TBCD: variants seen among roughly 807,000 people sequenced by gnomAD.
TBCD encodes the protein tubulin folding cofactor D.
A neutral mutation model predicts 169.3 loss-of-function variants in TBCD; 105 were observed. That is an observed-to-expected ratio of 0.62 (90% CI 0.53 to 0.73). The LOEUF is 0.73. Among genes scored for constraint, TBCD ranks in the 30% least tolerant of loss-of-function variants. The pLI is 0.00. For missense variants in TBCD, 1,444 were observed against 1,600.1 expected (o/e 0.90, Z 1.66); for synonymous variants, 700 against 643.9 (o/e 1.09, Z -1.32).
chr17:82,863,045 T>C (rs2056897455), intron 13 of TBCD, among the ~76,000 whole-genome samples: 2 of 152,194 alleles, frequency 1.3e-5, no homozygotes, highest in African/African-American at 2.4e-5. Context: ...TTGACCTCCC[T>C]TTTGGGAGGC....
At chr17:82,894,521 G>A (rs1215268109) in intron 17 of TBCD, among the ~76,000 whole-genome samples, 1 of 152,092 alleles carries the variant, frequency 6.6e-6, no homozygotes, top group Non-Finnish European at 1.5e-5. Context: ...ACGTTTCTCC[G>A]TCACCAGCCT....
At chr17:82,762,477 G>A (rs929939670) in intron 2 of TBCD, among the ~76,000 whole-genome samples, 2 of 152,000 alleles carry the variant, frequency 1.3e-5, no homozygotes, top group Non-Finnish European at 2.9e-5. Flanking sequence ...GGCCAGGCGC[G>A]GTGGCTCCTA....
chr17:82,769,356 G>A (rs914737391), intron 5 of TBCD, among the ~76,000 whole-genome samples: 2 of 152,196 alleles, frequency 1.3e-5, no homozygotes. Context: ...TGGAAGTGAC[G>A]TCCCATTCCT....
chr17:82,887,168 T>TCAC (rs2058790250), intron 15 of TBCD, among the ~76,000 whole-genome samples: 4 of 126,102 alleles, frequency 3.2e-5, no homozygotes, highest in Non-Finnish European at 5.0e-5. Context: ...TGTGTGTGTG[T>TCAC]GCGCGCGCGC....
intron 13 of TBCD, 116 bp downstream of exon 13, chr17:82,815,050 G>A (rs2051758308): frequency 1.4e-6 from 2 of 1,479,440 alleles, no homozygotes; most frequent in Admixed American, 2.1e-5. Flanking sequence ...ACGGTCAGCT[G>A]CGTCACCAGG....
chr17:82,770,327 C>T (rs983181959), intron 5 of TBCD, among the ~76,000 whole-genome samples: 3 of 152,014 alleles, frequency 2.0e-5, no homozygotes, highest in Admixed American at 1.3e-4. Flanking sequence ...GGGCTGGGTG[C>T]GGTGGCTCAC....
chr17:82,910,815 C>T (rs1760367130), intron 22 of TBCD, among the ~76,000 whole-genome samples: 2 of 152,218 alleles, frequency 1.3e-5, no homozygotes, highest in Non-Finnish European at 2.9e-5. Context: ...ATCCGCCCGC[C>T]TCGGCCTTCC....
intron 25 of TBCD, among the ~76,000 whole-genome samples, chr17:82,921,884 T>C (rs536500543): frequency 2.6e-5 from 4 of 152,352 alleles, no homozygotes; most frequent in African/African-American, 9.6e-5. Flanking sequence ...TTGAGTTCCG[T>C]GTCCTGTAGG....
intron 20 of TBCD, 124 bp from the exon 21 acceptor site, chr17:82,907,637 C>A: frequency 9.7e-7 from 1 of 1,026,182 alleles, no homozygotes; most frequent in Non-Finnish European, 1.5e-6. Flanking sequence ...CCTTGCTGAG[C>A]CTATGCTCCT....
intron 7 of TBCD, among the ~76,000 whole-genome samples, chr17:82,796,460 C>T (rs984171973): frequency 6.6e-6 from 1 of 152,226 alleles, no homozygotes; most frequent in Non-Finnish European, 1.5e-5. Context: ...TGTTACTATC[C>T]ATTTCGCTAA....
intron 13 of TBCD, among the ~76,000 whole-genome samples, chr17:82,847,309 T>C (rs1040196929): frequency 8.0e-5 from 11 of 137,466 alleles, no homozygotes; most frequent in African/African-American, 2.0e-4. Context: ...GCCGAGATCA[T>C]GCCACTGTAT....
At chr17:82,840,757 C>T (rs573747128) in intron 13 of TBCD, among the ~76,000 whole-genome samples, 2 of 152,058 alleles carry the variant, frequency 1.3e-5, no homozygotes, top group South Asian at 2.1e-4. Context: ...ACCTCCACAC[C>T]CCCCCACCAA....
At chr17:82,776,439 A>G (rs975030628) in intron 6 of TBCD, among the ~76,000 whole-genome samples, 3 of 152,308 alleles carry the variant, frequency 2.0e-5, no homozygotes, top group African/African-American at 7.2e-5. Context: ...GAAACATAGA[A>G]GTTGGAAAAA....
At chr17:82,795,775 C>G (rs555593932) in intron 7 of TBCD, 4 of 215,128 alleles carry the variant, frequency 1.9e-5, no homozygotes, top group Admixed American at 1.3e-4. Context: ...CCGAGAAGAC[C>G]ACGTGGCAGG....
At chr17:82,869,389 G>T (rs1467261770) in intron 13 of TBCD, among the ~76,000 whole-genome samples, 1 of 152,142 alleles carries the variant, frequency 6.6e-6, no homozygotes, top group Non-Finnish European at 1.5e-5. Flanking sequence ...TGTGATGGTG[G>T]CATGCTTGTA....
chr17:82,804,694 G>A (rs896012873), intron 9 of TBCD, among the ~76,000 whole-genome samples: 1 of 152,202 alleles, frequency 6.6e-6, no homozygotes, highest in Non-Finnish European at 1.5e-5. Flanking sequence ...GCTGAGAGGC[G>A]GGTGGAAACC....
chr17:82,889,668 G>C lies in TBCD; in HGVS notation c.1534G>C (p.Ala512Pro), dbSNP rs1483806231. 2 of 1,613,710 alleles carry C rather than the reference G, an allele frequency of 1.2e-6. No individual in the cohort carries two copies. Among genetic ancestry groups the C allele is most frequent in the East Asian group, 4.5e-5 (2 of 44,900 alleles). Residue 512 changes from alanine to proline, a missense_variant and splice_region_variant, in exon 16 of 39, where the codon GCC becomes CCC. By Grantham distance (27) the Ala-to-Pro change is conservative. Coordinates refer to ENST00000355528, the MANE Select transcript of TBCD (RefSeq NM_005993.5). This position sits in a 1 kb window ranked among gnomAD's most constrained non-coding sequence, Gnocchi z 5.3. ...RDINCRRAAS[A>P]AFQENVGRQG... is the part of the protein sequence containing the mutation. ...GCTGTGTTTGTTCTTTGCTCCGCAGGCCGCCTTCCAGGAGAATGTGGGGAG... is the reference window on the plus strand; with the variant it reads ...GCTGTGTTTGTTCTTTGCTCCGCAGCCCGCCTTCCAGGAGAATGTGGGGAG...
chr17:82,899,247 C>T (rs911572500), intron 17 of TBCD, among the ~76,000 whole-genome samples: 15 of 147,416 alleles, frequency 1.0e-4, no homozygotes, highest in East Asian at 6.0e-4. Flanking sequence ...GTCCTCAGCG[C>T]ACGTGTCCTC....
Position 82,880,227 on chromosome 17 carries a change from T to G in TBCD, c.1476-3918T>G, listed in dbSNP as rs1042417160. On this transcript the variant is annotated intron_variant, in intron 14 of 38. Transcript: ENST00000355528. This position sits in a 1 kb window ranked among gnomAD's most constrained non-coding sequence, Gnocchi z 5.0. ...TGGGGTCTCGCTGTGTTGCCCAGAC[T>G]GTACTCAAATTCCTGGGCTCAAGGG... Among the ~76,000 whole-genome samples the G allele has an allele frequency of 3.3e-5, 5 of 152,298 alleles. No individual in the cohort carries two copies. In the East Asian group the frequency reaches 9.7e-4, roughly 29 times the overall value.
Sources: gnomAD v4.1 joint callset for allele counts (sites outside exome capture counted in the v4.1 genomes callset) on GRCh38, gnomAD v4.1.1 for gene constraint, Gnocchi (gnomAD v3.1) non-coding constraint, MANE v1.5 for transcripts, NCBI Gene and HGNC (gene_info 2026-07-23, HGNC 2026-07-21) for gene names.